Variants in SLC44A5 observed in about 807,000 individuals in gnomAD.
SLC44A5 encodes solute carrier family 44 member 5, also known as choline transporter-like protein 5.
Under a neutral mutation model 101.8 loss-of-function variants are expected in SLC44A5, and 57 were observed. The observed-to-expected ratio is 0.56, with a 90% CI of 0.45 to 0.70. SLC44A5 has a LOEUF of 0.70. Among genes scored for constraint, SLC44A5 ranks in the 30% least tolerant of loss-of-function variants. The probability of loss-of-function intolerance (pLI) is 0.00; values close to 1 mark genes in which losing one functional copy is unlikely to be tolerated. For synonymous variants in SLC44A5, 281 were observed against 290.9 expected, an observed-to-expected ratio of 0.97 and a Z score of 0.35; for missense variants, 737 against 853.1, an observed-to-expected ratio of 0.86 and a Z score of 1.70.
At chr1:75,293,170 A>G (rs1377441759) in intron 5 of SLC44A5, among the ~76,000 whole-genome samples, 1 of 152,244 alleles carries the variant, frequency 6.6e-6, no homozygotes, top group Non-Finnish European at 1.5e-5. Flanking sequence ...GAGATGGTGA[A>G]AAATTTATTC....
chr1:75,416,051 A>G (rs1663622169), intron 2 of SLC44A5, among the ~76,000 whole-genome samples: 1 of 152,232 alleles, frequency 6.6e-6, no homozygotes, highest in Admixed American at 6.5e-5. Context: ...TGCAGAAATT[A>G]GCATAAGTAA....
chr1:75,338,307 G>A (rs1421110971), intron 4 of SLC44A5, among the ~76,000 whole-genome samples: 1 of 152,082 alleles, frequency 6.6e-6, no homozygotes, highest in Non-Finnish European at 1.5e-5. Flanking sequence ...CATAATGGAA[G>A]ACAGGAGATC....
intron 4 of SLC44A5, among the ~76,000 whole-genome samples, chr1:75,337,664 A>C (rs895281143): frequency 9.2e-5 from 14 of 152,166 alleles, no homozygotes; most frequent in Non-Finnish European, 1.9e-4. Flanking sequence ...TGGTTATTGG[A>C]CAATAGCTCT....
chr1:75,536,179 C>A (rs1289268123), intron 2 of SLC44A5, among the ~76,000 whole-genome samples: 1 of 152,110 alleles, frequency 6.6e-6, no homozygotes, highest in Non-Finnish European at 1.5e-5. Context: ...GCTCTGTAAC[C>A]TTGAGTGAAA....
intron 4 of SLC44A5, among the ~76,000 whole-genome samples, chr1:75,313,506 G>A (rs1655461857): frequency 6.6e-6 from 1 of 152,120 alleles, no homozygotes; most frequent in African/African-American, 2.4e-5. Flanking sequence ...GGACATAAGG[G>A]GTTGTTGCTG....
chr1:75,388,606 C>G (rs1661566522), intron 3 of SLC44A5, among the ~76,000 whole-genome samples: 1 of 152,010 alleles, frequency 6.6e-6, no homozygotes, highest in Non-Finnish European at 1.5e-5. Context: ...TGGTGAAACC[C>G]TGTCTCTACT....
intron 2 of SLC44A5, among the ~76,000 whole-genome samples, chr1:75,483,792 T>G (rs1039623361): frequency 8.5e-5 from 13 of 152,188 alleles, no homozygotes; most frequent in Admixed American, 6.5e-4. Context: ...GAAAAGAGGT[T>G]TAATTGAATC....
intron 3 of SLC44A5, among the ~76,000 whole-genome samples, chr1:75,375,578 C>G (rs1228104199): frequency 1.3e-5 from 2 of 152,116 alleles, no homozygotes; most frequent in Non-Finnish European, 1.5e-5. Context: ...TTAAAGGCAA[C>G]TGTAGAAAAG....
At chr1:75,572,557 A>G (rs1673127760) in intron 1 of SLC44A5, among the ~76,000 whole-genome samples, 1 of 152,202 alleles carries the variant, frequency 6.6e-6, no homozygotes. Context: ...GTCATTTTAG[A>G]GGGAATATTG....
chr1:75,702,097 G>C, the SLC44A5 span, among the ~76,000 whole-genome samples: 1 of 152,212 alleles, frequency 6.6e-6, no homozygotes, highest in Non-Finnish European at 1.5e-5. Context: ...GTAATTTATA[G>C]ATTCAATGCC....
intron 6 of SLC44A5, among the ~76,000 whole-genome samples, chr1:75,253,589 C>T (rs1049865639): frequency 3.9e-4 from 60 of 152,166 alleles, no homozygotes; most frequent in African/African-American, 1.4e-3. Context: ...ACTACATCAT[C>T]CACACAGTCT....
chr1:75,218,310 T>G (rs1647003986), intron 17 of SLC44A5, among the ~76,000 whole-genome samples, 180 bp downstream of exon 17: 1 of 152,134 alleles, frequency 6.6e-6, no homozygotes, highest in African/African-American at 2.4e-5. Flanking sequence ...GGAAATTGGC[T>G]TGGGTAGGGA....
chr1:75,641,730 A>T, the SLC44A5 span: 1 of 1,571,056 alleles, frequency 6.4e-7, no homozygotes, highest in East Asian at 2.2e-5. Flanking sequence ...TTGATTACAA[A>T]TGGATTCCTG....
intron 1 of SLC44A5, among the ~76,000 whole-genome samples, chr1:75,550,632 G>A (rs187424505): frequency 1.4e-4 from 21 of 152,214 alleles, no homozygotes; most frequent in Admixed American, 1.1e-3. Flanking sequence ...GCTAGCTGCT[G>A]AGGGAGTAAT....
chr1:75,663,590 C>T, the SLC44A5 span, among the ~76,000 whole-genome samples: 1 of 152,098 alleles, frequency 6.6e-6, no homozygotes, highest in African/African-American at 2.4e-5. Flanking sequence ...CCTAGACATA[C>T]ACAATCTCCT....
chr1:75,664,986 C>T, the SLC44A5 span, among the ~76,000 whole-genome samples: 2 of 150,052 alleles, frequency 1.3e-5, no homozygotes, highest in African/African-American at 2.4e-5. Flanking sequence ...AAACATTATA[C>T]GTTTATAGAT....
chr1:75,469,331 T>C (rs983697564), intron 2 of SLC44A5, among the ~76,000 whole-genome samples: 3 of 152,138 alleles, frequency 2.0e-5, no homozygotes, highest in African/African-American at 4.8e-5. Context: ...AACTGATTGA[T>C]AAAAGAATGT....
intron 4 of SLC44A5, among the ~76,000 whole-genome samples, chr1:75,312,389 G>T (rs572413888): frequency 3.3e-5 from 5 of 152,236 alleles, no homozygotes; most frequent in African/African-American, 9.6e-5. Flanking sequence ...GTCCCCCAAG[G>T]TTCATGTGTT....
Position 75,217,914 on chromosome 1 carries a change from T to C in SLC44A5, c.1576A>G (p.Ile526Val), listed in dbSNP as rs770416102. 2.5e-6 allele frequency: 4 copies of C among 1,606,362 alleles called. No homozygotes were observed. The Admixed American group carries it at 5.0e-5, about 20-fold the overall frequency. The change falls in exon 18 of 24, where the codon ATT (isoleucine) becomes GTT (valine). Residue 526 changes from isoleucine to valine, a missense_variant. Around this residue, in one of 3 missense-constraint regions of SLC44A5, gnomAD observed 665 missense variants for 764.4 expected, o/e 0.87. Coordinates refer to ENST00000370859, the MANE Select transcript of SLC44A5 (RefSeq NM_001130058.2). ...TCTAGTACAATTTTAAACATTTGAA[T>C]TAATGCAATAATTAAAGATCCAAAT... ...LAFGSLIIALIQMFKIVLEYL... is the reference protein window; with the variant it reads ...LAFGSLIIALVQMFKIVLEYL...
Sources: allele counts gnomAD v4.1 joint callset (sites outside exome capture counted in the v4.1 genomes callset), GRCh38; gene constraint gnomAD v4.1.1; regional missense constraint gnomAD v4.1.1; transcripts MANE v1.5; gene names NCBI Gene and HGNC (gene_info 2026-07-23, HGNC 2026-07-21).